The following HTR6 variants were observed in gnomAD, a reference collection of about 807,000 sequenced individuals.
HTR6 encodes 5-hydroxytryptamine (serotonin) receptor 6, G protein-coupled.
A neutral mutation model predicts 17.4 loss-of-function variants in HTR6; 15 were observed. That is an observed-to-expected ratio of 0.86 (90% CI 0.58 to 1.33). The LOEUF (loss-of-function observed/expected upper bound fraction) is 1.33. Ranked by LOEUF, HTR6 falls within the 40% of genes most tolerant of loss-of-function variation. HTR6 has a pLI of 0.00. For synonymous variants in HTR6, 326 were observed against 295.5 expected (o/e 1.10, Z -1.06); for missense variants, 578 against 616.0 (o/e 0.94, Z 0.65).
At position 19,680,037 on chromosome 1, in the gene HTR6, T is replaced by C. The variant is rs1353186234; in HGVS notation, c.*669T>C. On this transcript the variant is annotated 3_prime_UTR_variant, in exon 3 of 3. Transcript: ENST00000289753. ...GCTGCACCTGGGAGGCAGGCAGGCA[T>C]GCATGTGGGCCTCTGCTCTACCACC... Among the ~76,000 whole-genome samples, 1 of 152,132 alleles carries C rather than the reference T, an allele frequency of 6.6e-6. No individual in the cohort carries two copies. The highest frequency in any genetic ancestry group is 1.5e-5 in the Non-Finnish European group (1 of 68,010).
At chr1:19,667,762 T>C (rs1299024350) in intron 1 of HTR6, among the ~76,000 whole-genome samples, 1 of 152,202 alleles carries the variant, frequency 6.6e-6, no homozygotes, top group Non-Finnish European at 1.5e-5. Context: ...GAGTGCCTGC[T>C]CTTGCCATCC....
rs748622167 is a variant in HTR6 at position 19,679,067 on chromosome 1, C to T, written c.1022C>T (p.Pro341Leu). 11 of 1,613,864 alleles carry T rather than the reference C, an allele frequency of 6.8e-6. No homozygotes were observed. Among genetic ancestry groups the T allele is most frequent in the South Asian group, 2.2e-5 (2 of 91,076 alleles). ...AGGTTCCTGCCATGTCCACGCTGTCCCCGGGAGCGCCAGGCCAGCCTGGCC... is the reference window on the plus strand; with the variant it reads ...AGGTTCCTGCCATGTCCACGCTGTCTCCGGGAGCGCCAGGCCAGCCTGGCC... ...LGRFLPCPRC[P>L]RERQASLASP... The change falls in exon 3 of 3, where the codon CCC becomes CTC. Residue 341 changes from proline (P) to leucine (L), a missense_variant. By Grantham distance (98) the Pro-to-Leu change is moderately conservative. Transcript: ENST00000289753. The surrounding 1 kb of genome is among the most constrained non-coding windows in gnomAD (Gnocchi z 4.9).
At position 19,679,711 on chromosome 1, in the gene HTR6, C is replaced by T. The variant is rs142458501; in HGVS notation, c.*343C>T. The T allele has an allele frequency of 3.0e-4, 88 of 294,390 alleles. No homozygotes were observed. Among genetic ancestry groups the T allele is most frequent in the African/African-American group, 1.8e-3 (81 of 46,228 alleles). The allele number at this position is 294,390 out of a possible 1,614,324, so 18.2% of individuals were successfully genotyped here. A position where few individuals can be genotyped will look rare whatever the true frequency, so the allele number is the denominator to read the frequency against. On this transcript the variant is annotated 3_prime_UTR_variant, in exon 3 of 3. Coordinates refer to ENST00000289753, the MANE Select transcript of HTR6 (RefSeq NM_000871.3). The surrounding 1 kb of genome is among the most constrained non-coding windows in gnomAD (Gnocchi z 4.9). ...CCTTTGCCCATTCTGTCAGGCTGGA[C>T]GGGAGGGAATGCCCCCACCTGCAGG...
At chr1:19,673,731 T>C (rs2095091003) in intron 1 of HTR6, among the ~76,000 whole-genome samples, 1 of 152,094 alleles carries the variant, frequency 6.6e-6, no homozygotes, top group Non-Finnish European at 1.5e-5. Context: ...TAAAATTAAT[T>C]GCACAAAGGA....
chr1:19,668,693 G>T (rs2095084501), intron 1 of HTR6, among the ~76,000 whole-genome samples: 1 of 152,146 alleles, frequency 6.6e-6, no homozygotes, highest in Non-Finnish European at 1.5e-5. Flanking sequence ...GGAATTGCAG[G>T]TGCATGCCCC....
intron 1 of HTR6, among the ~76,000 whole-genome samples, chr1:19,668,933 T>C (rs534747481): frequency 2.2e-4 from 34 of 152,306 alleles, no homozygotes; most frequent in African/African-American, 8.2e-4. Context: ...GGGCCTGCTT[T>C]CTCTTTGTAG....
At position 19,666,466 on chromosome 1, in the gene HTR6, A is replaced by G. The variant is rs1378893443; in HGVS notation, c.713A>G (p.Gln238Arg). The part of the protein sequence containing the change: ...GMASQASETL[Q>R]VPRTPRPGVE... ...GCCAGTCAGGCCTCGGAGACGCTGCAGGTACCTGGGGTGCGCAGGGAGACC... is the reference window on the plus strand; with the variant it reads ...GCCAGTCAGGCCTCGGAGACGCTGCGGGTACCTGGGGTGCGCAGGGAGACC... The change falls in exon 1 of 3, where the codon CAG becomes CGG. Residue 238 changes from glutamine to arginine, a missense_variant and splice_region_variant. Physicochemically the swap from Gln to Arg is conservative, Grantham distance 43 (BLOSUM62 1). Coordinates refer to ENST00000289753, the MANE Select transcript of HTR6 (RefSeq NM_000871.3). The surrounding 1 kb of genome is among the most constrained non-coding windows in gnomAD (Gnocchi z 4.5). 1.2e-6 allele frequency: 2 copies of G among 1,603,474 alleles called. No homozygotes were observed. Among genetic ancestry groups the G allele is most frequent in the Non-Finnish European group, 8.5e-7 (1 of 1,175,970 alleles).
intron 1 of HTR6, among the ~76,000 whole-genome samples, chr1:19,671,654 C>T (rs1459551293): frequency 6.6e-6 from 1 of 152,200 alleles, no homozygotes; most frequent in Non-Finnish European, 1.5e-5. Context: ...TGCCCAGCCC[C>T]ACTTAGCCTT....
At position 19,666,545 on chromosome 1, in the gene HTR6, C is replaced by A; in HGVS notation, c.714+78C>A. 9.5e-7 allele frequency: 1 copy of A among 1,048,206 alleles called. No homozygotes were observed. Among genetic ancestry groups the A allele is most frequent in the Non-Finnish European group, 1.4e-6 (1 of 734,658 alleles). 64.9% of individuals were successfully genotyped at this position (1,048,206 alleles called of 1,614,324 possible). On this transcript the variant is annotated intron_variant, in intron 1 of 2. Transcript: ENST00000289753. This position sits in a 1 kb window ranked among gnomAD's most constrained non-coding sequence, Gnocchi z 4.5. ...GCCCCTGGGGACCCCCTGGGCATCCCCACTTAGCACACATTTGCTCATGGC... is the reference window on the plus strand; with the variant it reads ...GCCCCTGGGGACCCCCTGGGCATCCACACTTAGCACACATTTGCTCATGGC...
intron 1 of HTR6, among the ~76,000 whole-genome samples, chr1:19,675,816 A>C (rs910376798): frequency 6.6e-6 from 1 of 152,162 alleles, no homozygotes; most frequent in Non-Finnish European, 1.5e-5. Flanking sequence ...CTTTTGGGGA[A>C]GCAGGAGCCT....
At position 19,666,178 on chromosome 1, in the gene HTR6, G is replaced by A; in HGVS notation, c.425G>A (p.Arg142His). 6.2e-7 allele frequency: 1 copy of A among 1,610,714 alleles called. No individual in the cohort carries two copies. Among genetic ancestry groups the A allele is most frequent in the Non-Finnish European group, 8.5e-7 (1 of 1,179,872 alleles). The change falls in exon 1 of 3, where the codon CGT (arginine) becomes CAT (histidine). Residue 142 changes from arginine to histidine, a missense_variant. Transcript: ENST00000289753. The surrounding 1 kb of genome is among the most constrained non-coding windows in gnomAD (Gnocchi z 4.5). ...TACAAGCTGCGCATGACGCCCCTGC[G>A]TGCCCTGGCCCTAGTCCTGGGCGCC... ...LRYKLRMTPL[R>H]ALALVLGAWS...
chr1:19,676,475 C>T (rs942260661), intron 1 of HTR6, among the ~76,000 whole-genome samples: 5 of 152,152 alleles, frequency 3.3e-5, no homozygotes, highest in Admixed American at 6.5e-5. Flanking sequence ...TGAAGAAACA[C>T]GTTGAGGGGT....
rs2095080988 is a variant in HTR6 at position 19,665,933 on chromosome 1, G to A, written c.180G>A (p.Thr60=). Residue 60 remains threonine (T), a synonymous_variant, in exon 1 of 3, where the codon ACG becomes ACA. Transcript: ENST00000289753. The surrounding 1 kb of genome is among the most constrained non-coding windows in gnomAD (Gnocchi z 4.2). ...LICTQPALRN[T]SNFFLVSLFT... The stretch of plus-strand genomic sequence containing the variant: ...GCACTCAGCCCGCGCTGCGCAACAC[G>A]TCCAACTTCTTCCTGGTGTCGCTCT... The A allele has an allele frequency of 6.2e-7, 1 of 1,613,688 alleles. No individual in the cohort carries two copies. Among genetic ancestry groups the A allele is most frequent in the Non-Finnish European group, 8.5e-7 (1 of 1,179,862 alleles).
At position 19,666,767 on chromosome 1, in the gene HTR6, T is replaced by G. The variant is rs563841793; in HGVS notation, c.714+300T>G. Among the ~76,000 whole-genome samples the G allele has an allele frequency of 5.1e-4, 78 of 152,116 alleles. No homozygotes were observed. The highest frequency in any genetic ancestry group is 1.9e-3 in the African/African-American group (77 of 41,500). ...TCCCCATCATGGCAAATGGCACCAT[T>G]GCGGCATCACATGCCAGGAACTTAG... On this transcript the variant is annotated intron_variant, in intron 1 of 2. Coordinates refer to ENST00000289753, the MANE Select transcript of HTR6 (RefSeq NM_000871.3). This position sits in a 1 kb window ranked among gnomAD's most constrained non-coding sequence, Gnocchi z 4.5.
At position 19,679,620 on chromosome 1, in the gene HTR6, G is replaced by C; in HGVS notation, c.*252G>C. On this transcript the variant is annotated 3_prime_UTR_variant, in exon 3 of 3. Coordinates refer to ENST00000289753, the MANE Select transcript of HTR6 (RefSeq NM_000871.3). This position sits in a 1 kb window ranked among gnomAD's most constrained non-coding sequence, Gnocchi z 4.9. The stretch of plus-strand genomic sequence containing the variant: ...TGTAACTTGTGTGTGCAGAGGATGG[G>C]CTGGAGGACTCTGGATGTTGGGGAG... 2.0e-6 allele frequency: 1 copy of C among 500,566 alleles called. No homozygotes were observed. The highest frequency in any genetic ancestry group is 3.4e-6 in the Non-Finnish European group (1 of 291,926). 31.0% of individuals were successfully genotyped at this position (500,566 alleles called of 1,614,324 possible).
At chr1:19,676,336 C>T (rs916918169) in intron 1 of HTR6, among the ~76,000 whole-genome samples, 68 of 152,116 alleles carry the variant, frequency 4.5e-4, no homozygotes, top group African/African-American at 1.6e-3. Flanking sequence ...TGATTTGAAG[C>T]CAGATCACCT....
In HTR6 at chr1:19,665,854, G is replaced by A. The variant is rs767276826; in HGVS notation, c.101G>A (p.Cys34Tyr). 6.3e-7 allele frequency: 1 copy of A among 1,591,296 alleles called. No individual in the cohort carries two copies. The highest frequency in any genetic ancestry group is 1.8e-5 in the Admixed American group (1 of 56,774). ...GGSGWVAAALCVVIALTAAAN... is the reference protein window; with the variant it reads ...GGSGWVAAALYVVIALTAAAN... ...AGCGGCTGGGTGGCGGCCGCGCTGT[G>A]CGTGGTCATCGCGCTGACGGCGGCG... is the stretch of plus-strand genomic sequence containing the variant. The change falls in exon 1 of 3, where the codon TGC becomes TAC. Residue 34 changes from cysteine (C) to tyrosine (Y), a missense_variant. Coordinates refer to ENST00000289753, the MANE Select transcript of HTR6 (RefSeq NM_000871.3). This position sits in a 1 kb window ranked among gnomAD's most constrained non-coding sequence, Gnocchi z 4.2.
chr1:19,666,259 T>C lies in HTR6; in HGVS notation c.506T>C (p.Leu169Pro), dbSNP rs1192808349. ...CCCCTGCTGCTGGGCTGGCACGAGC[T>C]GGGCCACGCACGGCCACCCGTCCCT... ...FLPLLLGWHE[L>P]GHARPPVPGQ... is the part of the protein sequence containing the mutation. Residue 169 changes from leucine (L) to proline (P), a missense_variant, in exon 1 of 3, where the codon CTG (leucine) becomes CCG (proline). By Grantham distance (98) the Leu-to-Pro change is moderately conservative. Coordinates refer to ENST00000289753, the MANE Select transcript of HTR6 (RefSeq NM_000871.3). This position sits in a 1 kb window ranked among gnomAD's most constrained non-coding sequence, Gnocchi z 4.5. 1 of 1,609,802 alleles carries C rather than the reference T, an allele frequency of 6.2e-7. No homozygotes were observed. The highest frequency in any genetic ancestry group is 8.5e-7 in the Non-Finnish European group (1 of 1,179,558).
chr1:19,678,381 T>TGGCCTGGAGTCAGGGTCAGGGCTC (rs2095096932), intron 1 of HTR6, among the ~76,000 whole-genome samples, 186 bp from the exon 2 acceptor site: 2 of 151,724 alleles, frequency 1.3e-5, no homozygotes, highest in Non-Finnish European at 2.9e-5. Flanking sequence ...TGTCAGGGCT[T>TGGCCTGGAGTCAGGGTCAGGGCTC]GGCCTGGAGT....
Sources: allele counts gnomAD v4.1 joint callset (sites outside exome capture counted in the v4.1 genomes callset), GRCh38; gene constraint gnomAD v4.1.1; non-coding constraint Gnocchi (gnomAD v3.1); transcripts MANE v1.5; gene names NCBI Gene and HGNC (gene_info 2026-07-23, HGNC 2026-07-21).